GREB1: variants seen among roughly 807,000 people sequenced by gnomAD.
The protein encoded by GREB1 is protein GREB1.
Under a neutral mutation model 200.7 loss-of-function variants are expected in GREB1, and 106 were observed. The ratio of observed to expected loss-of-function variants is 0.53; its 90% CI spans 0.45 to 0.62. The LOEUF (loss-of-function observed/expected upper bound fraction) is 0.62. Among genes scored for constraint, GREB1 ranks in the 20% least tolerant of loss-of-function variants. The probability of loss-of-function intolerance (pLI) is 0.00; values close to 1 mark genes in which losing one functional copy is unlikely to be tolerated. For synonymous variants in GREB1, 1,132 were observed against 1,092.4 expected, an observed-to-expected ratio of 1.04 and a Z score of -0.72; for missense variants, 2,243 against 2,556.8, an observed-to-expected ratio of 0.88 and a Z score of 2.65.
chr2:11,483,643 T>C (rs1266935091), intron 1 of GREB1, among the ~76,000 whole-genome samples: 1 of 148,192 alleles, frequency 6.7e-6, no homozygotes, highest in Non-Finnish European at 1.5e-5. Flanking sequence ...GGATCCCAGT[T>C]TGGGTCCTGG....
At chr2:11,560,676 G>A (rs1676927823) in intron 2 of GREB1, among the ~76,000 whole-genome samples, 1 of 151,528 alleles carries the variant, frequency 6.6e-6, no homozygotes, top group Non-Finnish European at 1.5e-5. Flanking sequence ...ACTCCAGTGT[G>A]GGTGACAAGA....
chr2:11,611,279 C>T (rs1426887120), intron 18 of GREB1, among the ~76,000 whole-genome samples: 2 of 152,030 alleles, frequency 1.3e-5, no homozygotes, highest in African/African-American at 4.8e-5. Context: ...TTTTCCTGGG[C>T]ATCCATTTCC....
rs774460720 is a variant in GREB1 at position 11,580,787 on chromosome 2, C to G, written c.856C>G (p.Leu286Val). 2.3e-5 allele frequency: 37 copies of G among 1,614,118 alleles called. No individual in the cohort carries two copies. Among genetic ancestry groups the G allele is most frequent in the Non-Finnish European group, 3.1e-5 (36 of 1,180,034 alleles). The change falls in exon 7 of 33, where the codon CTG (leucine) becomes GTG (valine). Residue 286 changes from leucine to valine, a missense_variant. Physicochemically the swap from Leu to Val is conservative, Grantham distance 32. Coordinates refer to ENST00000381486, the MANE Select transcript of GREB1 (RefSeq NM_014668.4). The surrounding 1 kb of genome is among the most constrained non-coding windows in gnomAD (Gnocchi z 4.5). ...CAAAGATTCCCCGAAGTGCCAACAA[C>G]TGGCAAAGAATAACCTGTTGGCCCT... ...NGKDSPKCQQ[L>V]AKNNLLALPR...
chr2:11,615,902 T>C (rs57967947), intron 20 of GREB1, among the ~76,000 whole-genome samples: 2,404 of 152,326 alleles, frequency 0.016, 59 homozygotes, highest in African/African-American at 0.055. Flanking sequence ...AGGAGGTGGG[T>C]GTGGGCACCA....
chr2:11,632,852 A>G (rs189142737), intron 27 of GREB1, 37 bp from the exon 28 acceptor site: 2 of 1,590,998 alleles, frequency 1.3e-6, no homozygotes, highest in East Asian at 2.3e-5. Context: ...GTGTGGGTGC[A>G]GGTCAGTCCT....
chr2:11,550,824 T>C (rs1675745753), intron 1 of GREB1, among the ~76,000 whole-genome samples: 1 of 152,226 alleles, frequency 6.6e-6, no homozygotes, highest in Admixed American at 6.5e-5. Flanking sequence ...TTCACTGTCC[T>C]TCTAGTGAGG....
In GREB1 at chr2:11,634,364, C is replaced by T. The variant is rs1389931589; in HGVS notation, c.5210+15C>T. The T allele has an allele frequency of 1.9e-6, 3 of 1,603,296 alleles. No homozygotes were observed. The highest frequency in any genetic ancestry group is 2.6e-6 in the Non-Finnish European group (3 of 1,172,278). On this transcript the variant is annotated intron_variant, in intron 29 of 32. Transcript: ENST00000381486. The stretch of plus-strand genomic sequence containing the variant: ...AACCAGAACCGGTGAGCTCCTGCAC[C>T]TGGGGCAGAGGCGGCGGCAGCCCTG...
chr2:11,632,801 C>G (rs1375076932), intron 27 of GREB1, 88 bp from the exon 28 acceptor site: 3 of 1,148,214 alleles, frequency 2.6e-6, no homozygotes, highest in Non-Finnish European at 3.8e-6. Flanking sequence ...CTTGTCTGGG[C>G]GGCCCCGACA....
chr2:11,628,278 G>A (rs1373115494), intron 25 of GREB1, among the ~76,000 whole-genome samples: 4 of 152,188 alleles, frequency 2.6e-5, no homozygotes, highest in South Asian at 2.1e-4. Flanking sequence ...TTTCAGACCC[G>A]AGCAAGGGAG....
At chr2:11,516,704 TG>T (rs1037698242) in intron 1 of GREB1, among the ~76,000 whole-genome samples, 2 of 152,192 alleles carry the variant, frequency 1.3e-5, no homozygotes, top group Non-Finnish European at 2.9e-5. Context: ...CCCCAATTCC[TG>T]ACTCCCTGCA....
chr2:11,530,179 A>T (rs10929753), upstream of GREB1, among the ~76,000 whole-genome samples: 67,818 of 151,734 alleles, frequency 0.45, 18,323 homozygotes, highest in South Asian at 0.65. Flanking sequence ...CTCCCACCTC[A>T]GCCTCCCTAG....
At chr2:11,510,741 A>C (rs4669741) in intron 1 of GREB1, among the ~76,000 whole-genome samples, 9 of 149,040 alleles carry the variant, frequency 6.0e-5, no homozygotes, top group African/African-American at 2.3e-4. Flanking sequence ...CCAGGCTGGA[A>C]TGCAGTGGTG....
intron 1 of GREB1, among the ~76,000 whole-genome samples, chr2:11,538,180 G>A (rs188727195): frequency 1.8e-3 from 274 of 152,284 alleles, no homozygotes; most frequent in African/African-American, 5.4e-3. Flanking sequence ...CCTGCCTGGC[G>A]ATGAAGGTGC....
chr2:11,639,363 A>G (rs1047917831), intron 32 of GREB1, among the ~76,000 whole-genome samples: 3 of 152,212 alleles, frequency 2.0e-5, no homozygotes, highest in African/African-American at 7.2e-5. Context: ...TGTTGGGATT[A>G]CCGGCGTGAG....
chr2:11,616,577 A>C, intron 20 of GREB1, 54 bp from the exon 21 acceptor site: 1 of 1,090,196 alleles, frequency 9.2e-7, no homozygotes, highest in Non-Finnish European at 1.4e-6. Flanking sequence ...AGTGCTGGGC[A>C]AATGTCAGGA....
chr2:11,585,060 AAAAAC>A (rs1553365132), intron 7 of GREB1, 96 bp from the exon 8 acceptor site: 1 of 586,690 alleles, frequency 1.7e-6, no homozygotes, highest in South Asian at 4.0e-5. Flanking sequence ...TTAGAAAAAA[AAAAAC>A]AAAACAAAAC....
At position 11,629,730 on chromosome 2, in the gene GREB1, G is replaced by A. The variant is rs954269703; in HGVS notation, c.4450-218G>A. Among the ~76,000 whole-genome samples, 6 of 152,160 alleles carry A rather than the reference G, an allele frequency of 3.9e-5. No homozygotes were observed. The highest frequency in any genetic ancestry group is 1.2e-4 in the African/African-American group (5 of 41,450). On this transcript the variant is annotated intron_variant, in intron 25 of 32. Transcript: ENST00000381486. The surrounding 1 kb of genome is among the most constrained non-coding windows in gnomAD (Gnocchi z 5.2). ...GAGGCCCCATGCGGACTGAGGATGG[G>A]AGCAGGCTCTCGTCGTGGGTGTGTG... is the stretch of plus-strand genomic sequence containing the variant.
At chr2:11,631,132 C>A (rs151137374) in intron 26 of GREB1, among the ~76,000 whole-genome samples, 1 of 152,196 alleles carries the variant, frequency 6.6e-6, no homozygotes, top group Non-Finnish European at 1.5e-5. Context: ...GCCTTCCTGG[C>A]GGAGCTGGCC....
chr2:11,483,588 T>A (rs556390109), intron 1 of GREB1, among the ~76,000 whole-genome samples: 1 of 151,874 alleles, frequency 6.6e-6, no homozygotes, highest in Admixed American at 6.6e-5. Flanking sequence ...TAGGGGCCCC[T>A]GCACTTGAAG....
Sources: allele counts gnomAD v4.1 joint callset (sites outside exome capture counted in the v4.1 genomes callset), GRCh38; gene constraint gnomAD v4.1.1; non-coding constraint Gnocchi (gnomAD v3.1); transcripts MANE v1.5; gene names NCBI Gene and HGNC (gene_info 2026-07-23, HGNC 2026-07-21).